The following HID1 variants were observed in gnomAD, a reference collection of about 807,000 sequenced individuals.
HID1 encodes HID1 domain containing.
Under a neutral mutation model 89.7 loss-of-function variants are expected in HID1, and 42 were observed. The ratio of observed to expected loss-of-function variants is 0.47; its 90% CI spans 0.37 to 0.61. The LOEUF (loss-of-function observed/expected upper bound fraction) is 0.61. Ranked by LOEUF, HID1 falls within the 20% of genes least tolerant of loss-of-function variation. HID1 has a pLI of 0.00. For synonymous variants in HID1, 442 were observed against 433.8 expected (o/e 1.02, Z -0.24); for missense variants, 854 against 1,039.3 (o/e 0.82, Z 2.45).
At position 74,963,878 on chromosome 17, in the gene HID1, A is replaced by T. The variant is rs777414873; in HGVS notation, c.249T>A (p.Ser83Arg). 1 of 1,613,774 alleles carries T rather than the reference A, an allele frequency of 6.2e-7. No individual in the cohort carries two copies. The highest frequency in any genetic ancestry group is 1.1e-5 in the South Asian group (1 of 91,078). Residue 83 changes from serine (S) to arginine (R), a missense_variant, in exon 3 of 19, where the codon AGT becomes AGA. Ser to Arg is a moderately radical substitution (Grantham distance 110). Transcript: ENST00000425042. ...AVEKLVQGAE[S>R]GCHSEKEKQI... ...GCTTCTCCTTCTCCGAGTGGCAGCC[A>T]CTCTCAGCTCCCTGCACCAGCTTCT...
chr17:74,972,586 C>G lies in HID1; in HGVS notation c.66+5G>C. The G allele has an allele frequency of 1.3e-6, 2 of 1,546,852 alleles. No homozygotes were observed. Among genetic ancestry groups the G allele is most frequent in the Non-Finnish European group, 8.7e-7 (1 of 1,144,708 alleles). On this transcript the variant is annotated splice_donor_5th_base_variant and intron_variant, in intron 1 of 18. Transcript: ENST00000425042. The surrounding 1 kb of genome is among the most constrained non-coding windows in gnomAD (Gnocchi z 6.4). ...GATGGGGACGCCGGGGCCCCCGTGGCGCACCTGCGTCTTGGTGGTGAGCTG... is the reference window on the plus strand; with the variant it reads ...GATGGGGACGCCGGGGCCCCCGTGGGGCACCTGCGTCTTGGTGGTGAGCTG...
At position 74,958,571 on chromosome 17, in the gene HID1, T is replaced by A; in HGVS notation, c.1241-93A>T. 2 of 1,583,816 alleles carry A rather than the reference T, an allele frequency of 1.3e-6. No homozygotes were observed. The highest frequency in any genetic ancestry group is 2.3e-5 in the East Asian group (1 of 44,042). ...TTTTGGAGGCCTCCCTCCTAGGAGG[T>A]CAGAGTGCCAGGCCTGAGCTCCTGG... On this transcript the variant is annotated intron_variant, in intron 10 of 18. Coordinates refer to ENST00000425042, the MANE Select transcript of HID1 (RefSeq NM_030630.3). The surrounding 1 kb of genome is among the most constrained non-coding windows in gnomAD (Gnocchi z 5.2).
At chr17:74,961,720 G>A (rs1413771945) in intron 6 of HID1, 153 bp downstream of exon 6, 5 of 421,778 alleles carry the variant, frequency 1.2e-5, no homozygotes, top group African/African-American at 8.1e-5. Context: ...GGAGAGACGG[G>A]GCTAGTGTGA....
At chr17:74,964,095 C>T in intron 2 of HID1, 185 bp from the exon 3 acceptor site, 1 of 636,688 alleles carries the variant, frequency 1.6e-6, no homozygotes. Flanking sequence ...CCTTGGGGGA[C>T]TGGGACACAG....
At position 74,952,067 on chromosome 17, in the gene HID1, C is replaced by T. The variant is rs769974201; in HGVS notation, c.2145-4G>A. The T allele has an allele frequency of 7.1e-6, 11 of 1,555,260 alleles. No homozygotes were observed. Among genetic ancestry groups the T allele is most frequent in the East Asian group, 4.8e-5 (2 of 41,990 alleles). On this transcript the variant is annotated splice_polypyrimidine_tract_variant and splice_region_variant and intron_variant, in intron 17 of 18. Coordinates refer to ENST00000425042, the MANE Select transcript of HID1 (RefSeq NM_030630.3). ...CTCAGACTCATCCGTCAGGCCCCTG[C>T]GGGGAGAGGGGTATCTCCAGCACAC... is the stretch of plus-strand genomic sequence containing the variant.
chr17:74,969,126 C>T (rs1002799377), intron 1 of HID1, among the ~76,000 whole-genome samples: 4 of 151,504 alleles, frequency 2.6e-5, no homozygotes, highest in East Asian at 2.0e-4. Flanking sequence ...AGAAACGTGG[C>T]TCAGCGCCTG....
chr17:74,952,131 C>G, intron 17 of HID1, 68 bp from the exon 18 acceptor site: 1 of 1,527,806 alleles, frequency 6.5e-7, no homozygotes, highest in African/African-American at 1.4e-5. Context: ...ACCCTGGCCA[C>G]CCAAGACCCA....
intron 12 of HID1, among the ~76,000 whole-genome samples, chr17:74,956,448 T>C (rs956112596): frequency 6.6e-6 from 1 of 152,082 alleles, no homozygotes; most frequent in Non-Finnish European, 1.5e-5. Context: ...CAGACTGAAG[T>C]TCCATGCTGA....
chr17:74,952,206 A>C (rs1598613849), intron 17 of HID1, 63 bp downstream of exon 17: 1 of 1,536,556 alleles, frequency 6.5e-7, no homozygotes, highest in Non-Finnish European at 8.9e-7. Context: ...TGCCCACACC[A>C]CCGGCCCCGC....
Position 74,960,066 on chromosome 17 carries a change from A to T in HID1, c.911T>A (p.Val304Glu), listed in dbSNP as rs199789895. 7.4e-6 allele frequency: 12 copies of T among 1,613,684 alleles called. No individual in the cohort carries two copies. Among genetic ancestry groups the T allele is most frequent in the Non-Finnish European group, 1.0e-5 (12 of 1,180,004 alleles). ...HDSASSASPT[V>E]DGTTTGTAMD... ...GGCGGTGCCAGTGGTGGTGCCGTCC[A>T]CAGTGGGGCTGGCACTGCTGGCACT... The change falls in exon 7 of 19, where the codon GTG (valine) becomes GAG (glutamate). Residue 304 changes from valine (V) to glutamate (E), a missense_variant. Transcript: ENST00000425042.
At chr17:74,952,449 C>A (rs2039318623) in intron 16 of HID1, 89 bp from the exon 17 acceptor site, 7 of 901,636 alleles carry the variant, frequency 7.8e-6, no homozygotes, top group South Asian at 2.8e-5. Flanking sequence ...CACAGGCTCC[C>A]CAAGGCAGAA....
At chr17:74,954,970 CTG>C (rs1165569768) in intron 13 of HID1, 3 of 161,012 alleles carry the variant, frequency 1.9e-5, no homozygotes, top group African/African-American at 7.2e-5. Flanking sequence ...ATAATAGAAA[CTG>C]ATCATTTTTA....
chr17:74,956,094 G>A, intron 12 of HID1, 138 bp from the exon 13 acceptor site: 1 of 847,850 alleles, frequency 1.2e-6, no homozygotes, highest in Non-Finnish European at 1.8e-6. Flanking sequence ...AAGGCCCTAA[G>A]AGGCTGAGTC....
intron 1 of HID1, 101 bp from the exon 2 acceptor site, chr17:74,964,733 G>A: frequency 3.9e-6 from 5 of 1,271,408 alleles, no homozygotes; most frequent in Non-Finnish European, 5.4e-6. Context: ...GGAAGCCAGA[G>A]TCCCCCTACC....
Position 74,964,471 on chromosome 17 carries a change from G to A in HID1, c.216+12C>T. The A allele has an allele frequency of 6.2e-7, 1 of 1,606,572 alleles. No individual in the cohort carries two copies. Among genetic ancestry groups the A allele is most frequent in the African/African-American group, 1.3e-5 (1 of 74,950 alleles). On this transcript the variant is annotated intron_variant, in intron 2 of 18. Transcript: ENST00000425042. ...GGTGGAAGAGTAGCAGGAGGGACTG[G>A]GCAGCCCTCACCTTGTAGCACAGGG...
In HID1 at chr17:74,958,429, G is replaced by A. The variant is rs151291954; in HGVS notation, c.1290C>T (p.Ser430=). The A allele has an allele frequency of 2.1e-5, 33 of 1,603,060 alleles. No individual in the cohort carries two copies. Among genetic ancestry groups the A allele is most frequent in the African/African-American group, 1.3e-4 (10 of 74,788 alleles). ...HIGVFILLLL[S]GERNFGVRLN... ...GCCGCACCCCGAAGTTCCGCTCCCCGCTCAGAAGCAGCAAGATGAAGACAC... is the reference window on the plus strand; with the variant it reads ...GCCGCACCCCGAAGTTCCGCTCCCCACTCAGAAGCAGCAAGATGAAGACAC... The change falls in exon 11 of 19, where the codon AGC becomes AGT. Residue 430 remains serine, a synonymous_variant. Coordinates refer to ENST00000425042, the MANE Select transcript of HID1 (RefSeq NM_030630.3). The surrounding 1 kb of genome is among the most constrained non-coding windows in gnomAD (Gnocchi z 5.2).
In HID1 at chr17:74,959,833, C is replaced by T. The variant is rs1284716285; in HGVS notation, c.1008+48G>A. ...CAGGATCCCCCATATCCCTGTCTCA[C>T]TTGCATCCCCCTGCACCCTGCAAAG... is the stretch of plus-strand genomic sequence containing the variant. On this transcript the variant is annotated intron_variant, in intron 8 of 18. Coordinates refer to ENST00000425042, the MANE Select transcript of HID1 (RefSeq NM_030630.3). The surrounding 1 kb of genome is among the most constrained non-coding windows in gnomAD (Gnocchi z 4.6). 1 of 1,595,122 alleles carries T rather than the reference C, an allele frequency of 6.3e-7. No individual in the cohort carries two copies. Among genetic ancestry groups the T allele is most frequent in the South Asian group, 1.1e-5 (1 of 90,678 alleles).
intron 6 of HID1, among the ~76,000 whole-genome samples, chr17:74,960,559 A>G (rs2039464085): frequency 6.6e-6 from 1 of 152,210 alleles, no homozygotes; most frequent in Non-Finnish European, 1.5e-5. Flanking sequence ...AAGCCACAGA[A>G]TGACTCCACT....
chr17:74,970,481 G>T (rs1229260005), intron 1 of HID1, among the ~76,000 whole-genome samples: 1 of 152,288 alleles, frequency 6.6e-6, no homozygotes, highest in Admixed American at 6.5e-5. Context: ...CTGGGAGAGG[G>T]TTCCAGGTCT....
Sources: gnomAD v4.1 joint callset for allele counts (sites outside exome capture counted in the v4.1 genomes callset) on GRCh38, gnomAD v4.1.1 for gene constraint, Gnocchi (gnomAD v3.1) non-coding constraint, MANE v1.5 for transcripts, NCBI Gene and HGNC (gene_info 2026-07-23, HGNC 2026-07-21) for gene names.